Variants in CENPW observed in about 807,000 individuals in gnomAD.
The protein encoded by CENPW is cancer-up-regulated gene 2 protein.
In CENPW, 3 loss-of-function variants were observed where a neutral mutation model predicts 11.1. The ratio of observed to expected loss-of-function variants is 0.27; its 90% CI spans 0.12 to 0.70. CENPW has a LOEUF of 0.70. Ranked by LOEUF, CENPW falls within the 30% of genes least tolerant of loss-of-function variation. The pLI, the probability that CENPW is intolerant of heterozygous loss-of-function variation, is 0.77. For synonymous variants in CENPW, 38 were observed against 42.0 expected (o/e 0.91, Z 0.37); for missense variants, 100 against 105.6 (o/e 0.95, Z 0.23).
the CENPW span, among the ~76,000 whole-genome samples, chr6:126,355,267 A>C: frequency 6.6e-6 from 1 of 152,160 alleles, no homozygotes; most frequent in South Asian, 2.1e-4. Context: ...ATAGTTTTGA[A>C]TGTCTTTTTC....
At chr6:126,482,044 C>A in the CENPW span, among the ~76,000 whole-genome samples, 1 of 151,972 alleles carries the variant, frequency 6.6e-6, no homozygotes, top group Non-Finnish European at 1.5e-5. Flanking sequence ...TTTCCATACT[C>A]ATCAAAAACA....
the CENPW span, among the ~76,000 whole-genome samples, chr6:126,367,284 G>C: frequency 6.6e-6 from 1 of 151,962 alleles, no homozygotes; most frequent in East Asian, 1.9e-4. Context: ...AAGTGTACCT[G>C]TCACCCAGAT....
the CENPW span, among the ~76,000 whole-genome samples, chr6:126,443,246 A>T: frequency 1.3e-5 from 2 of 151,230 alleles, no homozygotes; most frequent in Non-Finnish European, 3.0e-5. Context: ...GTCTCTATTG[A>T]TCTGTAAGCC....
downstream of CENPW, among the ~76,000 whole-genome samples, chr6:126,349,682 A>T (rs1780468770): frequency 6.6e-6 from 1 of 152,130 alleles, no homozygotes; most frequent in Non-Finnish European, 1.5e-5. Flanking sequence ...TGGAATTACC[A>T]CAGTTTGTAT....
chr6:126,363,850 C>T, the CENPW span, among the ~76,000 whole-genome samples: 1 of 152,164 alleles, frequency 6.6e-6, no homozygotes. Context: ...GTCCAATTTG[C>T]TGCTTTCGAG....
chr6:126,354,196 C>T, the CENPW span, among the ~76,000 whole-genome samples: 1 of 152,028 alleles, frequency 6.6e-6, no homozygotes, highest in Non-Finnish European at 1.5e-5. Context: ...TTTTTCCCCA[C>T]TATGCAGATA....
At chr6:126,362,317 A>G in the CENPW span, among the ~76,000 whole-genome samples, 1 of 152,130 alleles carries the variant, frequency 6.6e-6, no homozygotes, top group African/African-American at 2.4e-5. Context: ...CTCCCTGGCC[A>G]TATCCCTCTG....
the CENPW span, among the ~76,000 whole-genome samples, chr6:126,469,177 A>T: frequency 1.3e-5 from 2 of 152,162 alleles, no homozygotes; most frequent in African/African-American, 2.4e-5. Flanking sequence ...TAATCCCCAC[A>T]TGAGAAAGGA....
At chr6:126,452,591 A>C in the CENPW span, among the ~76,000 whole-genome samples, 8 of 151,198 alleles carry the variant, frequency 5.3e-5, no homozygotes. Flanking sequence ...GTAGAACAAC[A>C]GAGGAAAAAG....
intron 1 of CENPW, among the ~76,000 whole-genome samples, chr6:126,344,982 T>A (rs1424206579): frequency 6.6e-6 from 1 of 152,084 alleles, no homozygotes; most frequent in Non-Finnish European, 1.5e-5. Context: ...TCTAATTGGA[T>A]CTAAGTTGGT....
chr6:126,474,707 A>G, the CENPW span, among the ~76,000 whole-genome samples: 1 of 152,158 alleles, frequency 6.6e-6, no homozygotes, highest in Admixed American at 6.6e-5. Flanking sequence ...ATTACCCTTC[A>G]GCACACCAGA....
At position 126,340,326 on chromosome 6, in the gene CENPW, C is replaced by A. The variant is rs1194346995; in HGVS notation, c.53C>A (p.Pro18His). ...AGGAAGCAGATAAAGCGGAAGGCTC[C>A]CCGTGGCTTTCTAAAGCGAGTCTTC... Reference protein sequence around the residue: ...SQRKQIKRKAPRGFLKRVFKR... With the variant: ...SQRKQIKRKAHRGFLKRVFKR... The change falls in exon 1 of 3, where the codon CCC (proline) becomes CAC (histidine). Residue 18 changes from proline (P) to histidine (H), a missense_variant. Transcript: ENST00000368328. 1 of 1,614,058 alleles carries A rather than the reference C, an allele frequency of 6.2e-7. No individual in the cohort carries two copies. The highest frequency in any genetic ancestry group is 1.7e-5 in the Admixed American group (1 of 60,020).
At position 126,342,603 on chromosome 6, in the gene CENPW, C is replaced by T. The variant is rs534723220; in HGVS notation, c.126+2204C>T. On this transcript the variant is annotated intron_variant, in intron 1 of 2. Transcript: ENST00000368328. Reference sequence around the variant, plus strand: ...TTGAAGATGTCTTCACTCTACTTGGCAACCTACAATTTTTTCAAAATCCAG... The same window carrying T: ...TTGAAGATGTCTTCACTCTACTTGGTAACCTACAATTTTTTCAAAATCCAG... 2.0e-5 allele frequency among the ~76,000 whole-genome samples: 3 copies of T among 152,208 alleles called. No individual in the cohort carries two copies. The South Asian group carries it at 6.2e-4, about 32-fold the overall frequency.
the CENPW span, among the ~76,000 whole-genome samples, chr6:126,420,837 G>T: frequency 6.6e-6 from 1 of 152,056 alleles, no homozygotes; most frequent in Admixed American, 6.6e-5. Flanking sequence ...TTGAAGGCCA[G>T]GTTCAGTTTC....
the CENPW span, among the ~76,000 whole-genome samples, chr6:126,355,422 G>C: frequency 6.6e-6 from 1 of 151,982 alleles, no homozygotes; most frequent in Non-Finnish European, 1.5e-5. Context: ...TTATTTTAAG[G>C]CAATAACTCA....
chr6:126,420,908 A>G, the CENPW span, among the ~76,000 whole-genome samples: 23 of 152,194 alleles, frequency 1.5e-4, no homozygotes, highest in African/African-American at 4.3e-4. Context: ...TTATTTTGGA[A>G]AATAGGAAAA....
the CENPW span, among the ~76,000 whole-genome samples, chr6:126,354,342 G>A: frequency 3.9e-4 from 59 of 151,868 alleles, no homozygotes; most frequent in Non-Finnish European, 5.0e-4. Context: ...ATGTTTTTTT[G>A]CAGCCCTTCT....
the CENPW span, among the ~76,000 whole-genome samples, chr6:126,455,419 T>C: frequency 6.6e-6 from 1 of 151,570 alleles, no homozygotes; most frequent in African/African-American, 2.4e-5. Flanking sequence ...TTTCAACATA[T>C]GCAAATCAAT....
chr6:126,357,527 G>A, the CENPW span, among the ~76,000 whole-genome samples: 1 of 152,074 alleles, frequency 6.6e-6, no homozygotes, highest in South Asian at 2.1e-4. Context: ...CCATTTTTAT[G>A]ACATGTATTC....
Sources: allele counts gnomAD v4.1 joint callset (sites outside exome capture counted in the v4.1 genomes callset), GRCh38; gene constraint gnomAD v4.1.1; transcripts MANE v1.5; gene names NCBI Gene and HGNC (gene_info 2026-07-23, HGNC 2026-07-21).